HECTD2: variants seen among roughly 807,000 people sequenced by gnomAD.
HECTD2 encodes HECT domain E3 ubiquitin protein ligase 2, also known as probable E3 ubiquitin-protein ligase HECTD2.
Under a neutral mutation model 103.2 loss-of-function variants are expected in HECTD2, and 35 were observed. That is an observed-to-expected ratio of 0.34 (90% CI 0.26 to 0.45). The LOEUF (loss-of-function observed/expected upper bound fraction) is 0.45, where lower values mean the gene tolerates loss of function less well. HECTD2 is among the 20% of genes least tolerant of loss of function. The pLI is 1.00. For missense variants in HECTD2, 596 were observed against 937.4 expected, an observed-to-expected ratio of 0.64 and a Z score of 4.76; for synonymous variants, 281 against 329.9, an observed-to-expected ratio of 0.85 and a Z score of 1.61.
chr10:91,462,136 G>T lies in HECTD2; in HGVS notation c.552G>T (p.Gly184=). ...TASFNTIEDS[G]INAKFVNAVY... ...CATTTAACACCATTGAAGACTCTGGGATTAATGCTAAATTTGTGAATGCTG... is the reference window on the plus strand; with the variant it reads ...CATTTAACACCATTGAAGACTCTGGTATTAATGCTAAATTTGTGAATGCTG... The change falls in exon 5 of 21, where the codon GGG becomes GGT. Residue 184 remains glycine, a synonymous_variant. Transcript: ENST00000298068. 6.3e-7 allele frequency: 1 copy of T among 1,596,666 alleles called. No homozygotes were observed. Among genetic ancestry groups the T allele is most frequent in the East Asian group, 2.2e-5 (1 of 44,488 alleles).
intron 20 of HECTD2, among the ~76,000 whole-genome samples, chr10:91,503,682 C>A (rs564584025): frequency 1.3e-5 from 2 of 152,166 alleles, no homozygotes; most frequent in Non-Finnish European, 2.9e-5. Context: ...AACTGCAAGG[C>A]GGCAGCGAGG....
At chr10:91,412,623 T>A (rs1487507503) in intron 1 of HECTD2, among the ~76,000 whole-genome samples, 1 of 151,038 alleles carries the variant, frequency 6.6e-6, no homozygotes, top group Admixed American at 6.6e-5. Context: ...ATTGATTATT[T>A]ATTTTTTAAA....
chr10:91,505,392 GAC>G (rs1847112472), intron 20 of HECTD2, among the ~76,000 whole-genome samples: 1 of 152,090 alleles, frequency 6.6e-6, no homozygotes, highest in African/African-American at 2.4e-5. Flanking sequence ...CACATGCAGG[GAC>G]ACACATAGGC....
At chr10:91,412,664 C>A (rs1842969653) in intron 1 of HECTD2, among the ~76,000 whole-genome samples, 1 of 74,148 alleles carries the variant, frequency 1.3e-5, no homozygotes, top group African/African-American at 8.3e-5. Flanking sequence ...GGATCTGTGG[C>A]AGAATGTGTG....
At chr10:91,502,344 C>T (rs549375228) in intron 20 of HECTD2, among the ~76,000 whole-genome samples, 104 of 152,264 alleles carry the variant, frequency 6.8e-4, no homozygotes, top group Non-Finnish European at 1.2e-3. Flanking sequence ...CCAGCTATGA[C>T]TATTAAAGAC....
At chr10:91,482,823 G>T in intron 7 of HECTD2, 144 bp from the exon 8 acceptor site, 1 of 466,526 alleles carries the variant, frequency 2.1e-6, no homozygotes, top group Non-Finnish European at 3.8e-6. Context: ...GAAAGTCTCT[G>T]TTAATTAAAT....
At chr10:91,432,910 G>A (rs776516619) in intron 2 of HECTD2, among the ~76,000 whole-genome samples, 3 of 151,960 alleles carry the variant, frequency 2.0e-5, no homozygotes, top group Non-Finnish European at 4.4e-5. Flanking sequence ...AATTGGATCT[G>A]TGTGTGAGTC....
chr10:91,440,507 A>G (rs754169828), intron 2 of HECTD2, among the ~76,000 whole-genome samples: 1 of 151,568 alleles, frequency 6.6e-6, no homozygotes, highest in Non-Finnish European at 1.5e-5. Context: ...TTTCATATCC[A>G]TGTTCATCAG....
chr10:91,410,415 G>C lies in HECTD2; in HGVS notation c.-24G>C. The C allele has an allele frequency of 7.3e-7, 1 of 1,362,660 alleles. No homozygotes were observed. Among genetic ancestry groups the C allele is most frequent in the Non-Finnish European group, 9.4e-7 (1 of 1,060,934 alleles). 84.4% of individuals were successfully genotyped at this position (1,362,660 alleles called of 1,614,324 possible). A position where few individuals can be genotyped will look rare whatever the true frequency, so the allele number is the denominator to read the frequency against. ...AACACTGAGGCCGCCGCCGCCGCCTGGCGCTCCCGCCGCCCGGCCCGACAT... is the reference window on the plus strand; with the variant it reads ...AACACTGAGGCCGCCGCCGCCGCCTCGCGCTCCCGCCGCCCGGCCCGACAT... On this transcript the variant is annotated 5_prime_UTR_variant, in exon 1 of 21. Coordinates refer to ENST00000298068, the MANE Select transcript of HECTD2 (RefSeq NM_182765.6).
intron 2 of HECTD2, among the ~76,000 whole-genome samples, chr10:91,440,536 T>A (rs1202852256): frequency 6.6e-6 from 1 of 150,456 alleles, no homozygotes; most frequent in African/African-American, 2.5e-5. Flanking sequence ...GCCTGAAATT[T>A]TCTTTTTTTG....
intron 2 of HECTD2, among the ~76,000 whole-genome samples, chr10:91,426,526 T>A (rs1843564938): frequency 6.6e-6 from 1 of 151,732 alleles, no homozygotes; most frequent in Non-Finnish European, 1.5e-5. Context: ...TTTTTGAACA[T>A]TTACCTTTGA....
Position 91,461,337 on chromosome 10 carries a change from A to G in HECTD2, c.491A>G (p.Glu164Gly), listed in dbSNP as rs762074168. Residue 164 changes from glutamate (E) to glycine (G), a missense_variant, in exon 4 of 21, where the codon GAA becomes GGA. Glu to Gly is a moderately conservative substitution (Grantham distance 98, BLOSUM62 -2). Transcript: ENST00000298068. Reference protein sequence around the residue: ...FYLTTFDSFPELNAAFKKDAT... With the variant: ...FYLTTFDSFPGLNAAFKKDAT... ...CTAACAACGTTTGATTCTTTCCCAG[A>G]ATTAAATGCTGCATTTAAGGTAATT... 1 of 1,506,254 alleles carries G rather than the reference A, an allele frequency of 6.6e-7. No homozygotes were observed. The highest frequency in any genetic ancestry group is 1.2e-5 in the South Asian group (1 of 81,784). The allele number at this position is 1,506,254 out of a possible 1,614,324, so 93.3% of individuals were successfully genotyped here. A position where few individuals can be genotyped will look rare whatever the true frequency, so the allele number is the denominator to read the frequency against.
At chr10:91,435,410 GA>G (rs1429097062) in intron 2 of HECTD2, among the ~76,000 whole-genome samples, 15 of 152,082 alleles carry the variant, frequency 9.9e-5, no homozygotes, top group African/African-American at 3.6e-4. Context: ...AGAGAAAGAG[GA>G]GAGCAGGGAC....
Position 91,514,108 on chromosome 10 carries a change from G to A in HECTD2, c.*1724G>A, listed in dbSNP as rs575063589. On this transcript the variant is annotated 3_prime_UTR_variant, in exon 21 of 21. Transcript: ENST00000298068. ...ACTAGAAAATCAGCTTTTTAATGTA[G>A]GTTACCACTTATAAGCACAAAAGAA... 1 of 152,540 alleles carries A rather than the reference G, an allele frequency of 6.6e-6. No individual in the cohort carries two copies. Among genetic ancestry groups the A allele is most frequent in the East Asian group, 1.9e-4 (1 of 5,172 alleles). 9.4% of individuals were successfully genotyped at this position (152,540 alleles called of 1,614,324 possible).
At chr10:91,458,504 A>G (rs999008830) in intron 2 of HECTD2, among the ~76,000 whole-genome samples, 14 of 152,172 alleles carry the variant, frequency 9.2e-5, no homozygotes, top group East Asian at 5.8e-4. Context: ...TAAAGTTGAA[A>G]GAATCAGTCT....
intron 2 of HECTD2, among the ~76,000 whole-genome samples, chr10:91,443,299 C>T (rs1353911133): frequency 8.4e-6 from 1 of 118,802 alleles, no homozygotes; most frequent in Non-Finnish European, 1.7e-5. Context: ...GATGTTGATG[C>T]TATTCCTTTC....
At chr10:91,419,230 C>T (rs568226535) in intron 1 of HECTD2, among the ~76,000 whole-genome samples, 1 of 151,668 alleles carries the variant, frequency 6.6e-6, no homozygotes, top group Non-Finnish European at 1.5e-5. Context: ...AATTCAGAAG[C>T]GATGATGGAA....
chr10:91,444,901 G>A (rs1187010290), intron 2 of HECTD2, among the ~76,000 whole-genome samples: 2 of 152,168 alleles, frequency 1.3e-5, no homozygotes, highest in African/African-American at 2.4e-5. Context: ...ACACTGTGCT[G>A]AACTGATAAG....
At chr10:91,412,713 T>A (rs1842975329) in intron 1 of HECTD2, among the ~76,000 whole-genome samples, 1 of 149,462 alleles carries the variant, frequency 6.7e-6, no homozygotes, top group Non-Finnish European at 1.5e-5. Flanking sequence ...AAAGAGAGAC[T>A]TCAAAGCTAG....
Sources: gnomAD v4.1 joint callset for allele counts (sites outside exome capture counted in the v4.1 genomes callset) on GRCh38, gnomAD v4.1.1 for gene constraint, MANE v1.5 for transcripts, NCBI Gene and HGNC (gene_info 2026-07-23, HGNC 2026-07-21) for gene names.